Variants in SCN3B observed in about 807,000 individuals in gnomAD.
SCN3B encodes sodium channel regulatory subunit beta-3.
Under a neutral mutation model 25.4 loss-of-function variants are expected in SCN3B, and 11 were observed. The observed-to-expected ratio is 0.43, with a 90% CI of 0.27 to 0.72. The LOEUF (loss-of-function observed/expected upper bound fraction) is 0.72, where lower values mean the gene tolerates loss of function less well. SCN3B is among the 30% of genes least tolerant of loss of function. The pLI is 0.18. For synonymous variants in SCN3B, 109 were observed against 110.7 expected, an observed-to-expected ratio of 0.99 and a Z score of 0.09; for missense variants, 218 against 278.3, an observed-to-expected ratio of 0.78 and a Z score of 1.54.
intron 4 of SCN3B, among the ~76,000 whole-genome samples, chr11:123,641,920 C>CA (rs1166449500): frequency 6.6e-6 from 1 of 152,206 alleles, no homozygotes; most frequent in Non-Finnish European, 1.5e-5. Flanking sequence ...GGCAGTGTGT[C>CA]ACGCAGTGCA....
chr11:123,644,551 C>G (rs1955824941), intron 3 of SCN3B, among the ~76,000 whole-genome samples: 1 of 152,052 alleles, frequency 6.6e-6, no homozygotes, highest in African/African-American at 2.4e-5. Context: ...GTGGGTGGAT[C>G]ACCTGAGGTC....
intron 2 of SCN3B, among the ~76,000 whole-genome samples, chr11:123,652,117 G>A (rs1445943374): frequency 6.6e-6 from 1 of 152,070 alleles, no homozygotes; most frequent in African/African-American, 2.4e-5. Context: ...TAGAGTTCAG[G>A]AAGAAAGTCT....
At position 123,631,222 on chromosome 11, in the gene SCN3B, G is replaced by GT. The variant is rs746243185; in HGVS notation, c.*2576dup. ...GCCACGCAAGCAGCATCTGAGTTGG[G>GT]TTTTTTTAAAAAGAAGAGAAAAAGG... On this transcript the variant is annotated 3_prime_UTR_variant, in exon 7 of 7. Transcript: ENST00000299333. 2.0e-5 allele frequency: 3 copies of GT among 152,052 alleles called. No homozygotes were observed. Among genetic ancestry groups the GT allele is most frequent in the Non-Finnish European group, 4.4e-5 (3 of 68,016 alleles). The allele number at this position is 152,052 out of a possible 1,614,324, so 9.4% of individuals were successfully genotyped here. A position where few individuals can be genotyped will look rare whatever the true frequency, so the allele number is the denominator to read the frequency against.
Position 123,650,578 on chromosome 11 carries a change from G to A in SCN3B, c.55+3169C>T, listed in dbSNP as rs138888087. On this transcript the variant is annotated intron_variant, in intron 2 of 6. Coordinates refer to ENST00000299333, the MANE Select transcript of SCN3B (RefSeq NM_001040151.2). The stretch of plus-strand genomic sequence containing the variant: ...AGGCCTGGAGAAGAAGGGCAGAGAA[G>A]GTACTAGGTGCTAGTGAGTGAGGCC... 1.2e-4 allele frequency among the ~76,000 whole-genome samples: 18 copies of A among 152,288 alleles called. No individual in the cohort carries two copies. The South Asian group carries it at 2.3e-3, about 19-fold the overall frequency.
chr11:123,645,316 G>A (rs181605162), intron 3 of SCN3B, among the ~76,000 whole-genome samples: 63 of 152,270 alleles, frequency 4.1e-4, no homozygotes, highest in African/African-American at 7.5e-4. Flanking sequence ...GTGGTAGGGC[G>A]CCTATCACAT....
In SCN3B at chr11:123,629,542, A is replaced by T. The variant is rs1028900956; in HGVS notation, c.*4257T>A. The T allele has an allele frequency of 6.6e-6, 1 of 152,224 alleles. No homozygotes were observed. The highest frequency in any genetic ancestry group is 1.5e-5 in the Non-Finnish European group (1 of 68,088). The allele number at this position is 152,224 out of a possible 1,614,324, so 9.4% of individuals were successfully genotyped here. ...GCTGCAAACTCAACTAAGGGGGAGGAAGTGGGCTGAACTAATCATGAGCTG... is the reference window on the plus strand; with the variant it reads ...GCTGCAAACTCAACTAAGGGGGAGGTAGTGGGCTGAACTAATCATGAGCTG... On this transcript the variant is annotated 3_prime_UTR_variant, in exon 7 of 7. Transcript: ENST00000299333.
intron 4 of SCN3B, among the ~76,000 whole-genome samples, chr11:123,641,845 A>G (rs765789609): frequency 6.6e-6 from 1 of 152,186 alleles, no homozygotes; most frequent in Non-Finnish European, 1.5e-5. Context: ...AGAAAAAAAG[A>G]TTGTCAAACT....
At chr11:123,647,172 G>A (rs75196389) in intron 2 of SCN3B, among the ~76,000 whole-genome samples, 4 of 152,124 alleles carry the variant, frequency 2.6e-5, no homozygotes, top group African/African-American at 9.7e-5. Context: ...AGCATTGTTT[G>A]GGATATTTGA....
At chr11:123,634,372 C>A (rs1205883940) in intron 5 of SCN3B, among the ~76,000 whole-genome samples, 166 bp from the exon 6 acceptor site, 1 of 152,216 alleles carries the variant, frequency 6.6e-6, no homozygotes, top group African/African-American at 2.4e-5. Flanking sequence ...TTAAAATAAT[C>A]ATTTCCCCCA....
chr11:123,653,623 T>C (rs540273448), intron 2 of SCN3B, 124 bp downstream of exon 2: 2 of 1,106,262 alleles, frequency 1.8e-6, no homozygotes, highest in African/African-American at 3.1e-5. Flanking sequence ...TCTCCATGTC[T>C]GGCAGATACG....
intron 2 of SCN3B, among the ~76,000 whole-genome samples, chr11:123,652,166 C>T (rs1591351458): frequency 6.6e-6 from 1 of 152,214 alleles, no homozygotes; most frequent in East Asian, 1.9e-4. Flanking sequence ...ACAACTTCAG[C>T]TTTACCGACG....
chr11:123,648,028 T>C (rs1467703636), intron 2 of SCN3B, among the ~76,000 whole-genome samples: 1 of 152,156 alleles, frequency 6.6e-6, no homozygotes, highest in Non-Finnish European at 1.5e-5. Context: ...TGATTATAGA[T>C]CTGATTAAAC....
rs906719703 is a variant in SCN3B at position 123,629,283 on chromosome 11, C to T, written c.*4516G>A. On this transcript the variant is annotated 3_prime_UTR_variant, in exon 7 of 7. Coordinates refer to ENST00000299333, the MANE Select transcript of SCN3B (RefSeq NM_001040151.2). ...TGTTGAGGGCTTAGGTGGTCAGGAACATTTCCAGAGTTTGGATTGTGTTCG... is the reference window on the plus strand; with the variant it reads ...TGTTGAGGGCTTAGGTGGTCAGGAATATTTCCAGAGTTTGGATTGTGTTCG... 1 of 152,192 alleles carries T rather than the reference C, an allele frequency of 6.6e-6. No homozygotes were observed. Among genetic ancestry groups the T allele is most frequent in the African/African-American group, 2.4e-5 (1 of 41,438 alleles). The allele number at this position is 152,192 out of a possible 1,614,324, so 9.4% of individuals were successfully genotyped here.
chr11:123,649,676 C>CCT (rs60829903), intron 2 of SCN3B, among the ~76,000 whole-genome samples: 8 of 130,244 alleles, frequency 6.1e-5, no homozygotes, highest in Non-Finnish European at 9.9e-5. Flanking sequence ...TTCTTTTTTT[C>CCT]CTCTCTCTCT....
intron 2 of SCN3B, among the ~76,000 whole-genome samples, chr11:123,650,078 C>T (rs1275264430): frequency 1.3e-5 from 2 of 152,170 alleles, no homozygotes; most frequent in Non-Finnish European, 2.9e-5. Context: ...GCTCAAACTA[C>T]ATTGCTGACT....
intron 6 of SCN3B, 69 bp downstream of exon 6, chr11:123,634,052 G>A (rs1408758632): frequency 7.8e-7 from 1 of 1,277,474 alleles, no homozygotes; most frequent in South Asian, 1.2e-5. Flanking sequence ...CTTCAGTTGT[G>A]GGCAACAAAG....
intron 5 of SCN3B, among the ~76,000 whole-genome samples, chr11:123,636,652 G>A (rs565480100): frequency 4.6e-5 from 7 of 151,604 alleles, no homozygotes; most frequent in African/African-American, 1.5e-4. Flanking sequence ...TCCCTCAGCC[G>A]TTCTGTCTCT....
At chr11:123,638,376 CCGTCA>C in intron 4 of SCN3B, 52 bp from the exon 5 acceptor site, 1 of 1,609,946 alleles carries the variant, frequency 6.2e-7, no homozygotes. Context: ...AAACCTAGAG[CCGTCA>C]TTGGAGCCAT....
At chr11:123,651,243 C>T (rs1476374967) in intron 2 of SCN3B, among the ~76,000 whole-genome samples, 2 of 151,988 alleles carry the variant, frequency 1.3e-5, no homozygotes, top group African/African-American at 2.4e-5. Flanking sequence ...TCTTTCCCTT[C>T]ATATTGTACA....
Sources: gnomAD v4.1 joint callset for allele counts (sites outside exome capture counted in the v4.1 genomes callset) on GRCh38, gnomAD v4.1.1 for gene constraint, MANE v1.5 for transcripts, NCBI Gene and HGNC (gene_info 2026-07-23, HGNC 2026-07-21) for gene names.